CNTNAP2: variants seen among roughly 807,000 people sequenced by gnomAD.
CNTNAP2 encodes the protein contactin associated protein 2, also known as contactin-associated protein-like 2.
A neutral mutation model predicts 155.2 loss-of-function variants in CNTNAP2; 98 were observed. The observed-to-expected ratio is 0.63, with a 90% CI of 0.54 to 0.75. The LOEUF (loss-of-function observed/expected upper bound fraction) is 0.75, where lower values mean the gene tolerates loss of function less well. Ranked by LOEUF, CNTNAP2 falls within the 30% of genes least tolerant of loss-of-function variation. The probability of loss-of-function intolerance (pLI) is 0.00; values close to 1 mark genes in which losing one functional copy is unlikely to be tolerated. For synonymous variants in CNTNAP2, 651 were observed against 631.2 expected, an observed-to-expected ratio of 1.03 and a Z score of -0.47; for missense variants, 1,727 against 1,688.1, an observed-to-expected ratio of 1.02 and a Z score of -0.40.
chr7:146,760,403 ATTTACCTTTTTTTTTT>A (rs1802073552), intron 1 of CNTNAP2, among the ~76,000 whole-genome samples: 2 of 95,078 alleles, frequency 2.1e-5, no homozygotes, highest in Non-Finnish European at 4.0e-5. Context: ...ATCATCTCCA[ATTTACCTTTTTTTTTT>A]TTTTTTTTTT....
At chr7:146,575,291 A>G (rs1314284723) in intron 1 of CNTNAP2, among the ~76,000 whole-genome samples, 3 of 151,976 alleles carry the variant, frequency 2.0e-5, no homozygotes, top group East Asian at 1.9e-4. Context: ...TAATTTTTGT[A>G]TTCTTAGTAG....
At chr7:147,709,693 T>C (rs1451113858) in intron 13 of CNTNAP2, among the ~76,000 whole-genome samples, 1 of 152,190 alleles carries the variant, frequency 6.6e-6, no homozygotes, top group Non-Finnish European at 1.5e-5. Context: ...AAATAGATGA[T>C]GTTCAGAGAC....
chr7:146,818,514 G>T (rs1803216777), intron 2 of CNTNAP2, among the ~76,000 whole-genome samples: 1 of 152,026 alleles, frequency 6.6e-6, no homozygotes, highest in African/African-American at 2.4e-5. Context: ...ACCTTTAGGG[G>T]TCTTTTGTTT....
chr7:147,416,428 G>A (rs891454093), intron 10 of CNTNAP2, among the ~76,000 whole-genome samples: 3 of 152,090 alleles, frequency 2.0e-5, no homozygotes, highest in Non-Finnish European at 4.4e-5. Context: ...TCCTTTTTTT[G>A]TGAGTGCAGA....
At chr7:147,753,174 A>T (rs145572197) in intron 13 of CNTNAP2, among the ~76,000 whole-genome samples, 1 of 152,194 alleles carries the variant, frequency 6.6e-6, no homozygotes, top group Non-Finnish European at 1.5e-5. Context: ...ACTGAATGTA[A>T]AGCTGATTAC....
intron 3 of CNTNAP2, among the ~76,000 whole-genome samples, chr7:147,038,527 T>C (rs1414632277): frequency 6.6e-6 from 1 of 152,218 alleles, no homozygotes; most frequent in Non-Finnish European, 1.5e-5. Flanking sequence ...TTTGTCTTTC[T>C]CTGACTTCCA....
At position 147,133,314 on chromosome 7, in the gene CNTNAP2, T is replaced by C. The variant is rs76418939; in HGVS notation, c.1348+805T>C. ...AGTCTTTGCAATAGTCATACATATA[T>C]ATTGTGAAGAACTACTTAGAAATGG... On this transcript the variant is annotated intron_variant, in intron 8 of 23. Transcript: ENST00000361727. Among the ~76,000 whole-genome samples, 1,161 of 152,176 alleles carry C rather than the reference T, an allele frequency of 7.6e-3. 19 individuals are homozygous for C. The highest frequency in any genetic ancestry group is 0.026 in the African/African-American group (1,075 of 41,536).
intron 1 of CNTNAP2, among the ~76,000 whole-genome samples, chr7:146,620,713 G>A (rs1046875888): frequency 6.6e-6 from 1 of 152,134 alleles, no homozygotes; most frequent in Non-Finnish European, 1.5e-5. Flanking sequence ...AGAAAACAAT[G>A]TTTGATGATC....
intron 1 of CNTNAP2, among the ~76,000 whole-genome samples, chr7:146,546,260 G>C (rs927122922): frequency 6.6e-6 from 1 of 151,964 alleles, no homozygotes; most frequent in Non-Finnish European, 1.5e-5. Context: ...GAAAATTTCT[G>C]ACTCTTCTTA....
chr7:146,418,056 C>T (rs777526120), intron 1 of CNTNAP2, among the ~76,000 whole-genome samples: 41 of 152,264 alleles, frequency 2.7e-4, no homozygotes, highest in Non-Finnish European at 5.0e-4. Flanking sequence ...AACACATGGA[C>T]AGCTGGATTG....
chr7:147,307,556 C>G (rs1305748314), intron 9 of CNTNAP2, among the ~76,000 whole-genome samples: 1 of 151,944 alleles, frequency 6.6e-6, no homozygotes, highest in Non-Finnish European at 1.5e-5. Flanking sequence ...TGCACTCCAG[C>G]CTGGGTGACA....
chr7:147,444,426 T>G (rs1797695922), intron 10 of CNTNAP2, among the ~76,000 whole-genome samples: 1 of 152,126 alleles, frequency 6.6e-6, no homozygotes, highest in Non-Finnish European at 1.5e-5. Flanking sequence ...GGCTAGAGAA[T>G]TCTAAAGCTT....
At chr7:147,283,466 C>G (rs2116730623) in intron 8 of CNTNAP2, among the ~76,000 whole-genome samples, 1 of 151,872 alleles carries the variant, frequency 6.6e-6, no homozygotes, top group Non-Finnish European at 1.5e-5. Context: ...AAGCAATACG[C>G]AGCAAGTAGC....
intron 9 of CNTNAP2, among the ~76,000 whole-genome samples, chr7:147,346,443 C>T (rs558973797): frequency 5.9e-5 from 9 of 152,160 alleles, no homozygotes; most frequent in East Asian, 1.9e-4. Flanking sequence ...CGTGAGCCAC[C>T]GCGCCCGGCC....
chr7:148,365,510 C>T (rs1339255537), intron 21 of CNTNAP2, among the ~76,000 whole-genome samples: 1 of 151,902 alleles, frequency 6.6e-6, no homozygotes, highest in Non-Finnish European at 1.5e-5. Flanking sequence ...ACTAAAAATA[C>T]AAAAATTAGC....
At chr7:148,122,855 C>CAAAAAAA (rs1226178688) in intron 16 of CNTNAP2, among the ~76,000 whole-genome samples, 16 of 136,930 alleles carry the variant, frequency 1.2e-4, no homozygotes, top group Admixed American at 2.2e-4. Flanking sequence ...GAATACATCT[C>CAAAAAAA]AAAAAAAAAA....
intron 1 of CNTNAP2, among the ~76,000 whole-genome samples, chr7:146,308,635 A>G (rs1203129978): frequency 6.6e-6 from 1 of 152,204 alleles, no homozygotes; most frequent in African/African-American, 2.4e-5. Context: ...ACACCATGGA[A>G]TACTATTCAG....
intron 12 of CNTNAP2, among the ~76,000 whole-genome samples, chr7:147,629,052 T>C (rs1795037706): frequency 6.6e-6 from 1 of 151,904 alleles, no homozygotes; most frequent in African/African-American, 2.4e-5. Flanking sequence ...TGGGGGGGCT[T>C]CAATACTCCT....
intron 1 of CNTNAP2, among the ~76,000 whole-genome samples, chr7:146,163,950 C>A (rs1017892401): frequency 2.0e-5 from 3 of 152,102 alleles, no homozygotes; most frequent in African/African-American, 7.2e-5. Context: ...GCCTCATCTC[C>A]TTTTACCCCA....
Sources: gnomAD v4.1 joint callset for allele counts (sites outside exome capture counted in the v4.1 genomes callset) on GRCh38, gnomAD v4.1.1 for gene constraint, MANE v1.5 for transcripts, NCBI Gene and HGNC (gene_info 2026-07-23, HGNC 2026-07-21) for gene names.